The following PLCE1 variants were observed in gnomAD, a reference collection of about 807,000 sequenced individuals.
The protein encoded by PLCE1 is phospholipase C epsilon 1.
In PLCE1, 119 loss-of-function variants were observed where a neutral mutation model predicts 242.8. The observed-to-expected ratio is 0.49, with a 90% CI of 0.42 to 0.57. The LOEUF is 0.57. Ranked by LOEUF, PLCE1 falls within the 20% of genes least tolerant of loss-of-function variation. The pLI, the probability that PLCE1 is intolerant of heterozygous loss-of-function variation, is 0.00. For missense variants in PLCE1, 2,441 were observed against 2,788.8 expected, an observed-to-expected ratio of 0.88 and a Z score of 2.81; for synonymous variants, 945 against 1,017.4, an observed-to-expected ratio of 0.93 and a Z score of 1.35.
chr10:94,083,712 G>T (rs867730137), intron 2 of PLCE1, among the ~76,000 whole-genome samples: 1 of 152,234 alleles, frequency 6.6e-6, no homozygotes, highest in Admixed American at 6.5e-5. Context: ...CACAATTAAA[G>T]AATTATCCTA....
intron 2 of PLCE1, among the ~76,000 whole-genome samples, chr10:94,085,240 G>T (rs536533316): frequency 6.6e-6 from 1 of 152,120 alleles, no homozygotes; most frequent in Non-Finnish European, 1.5e-5. Flanking sequence ...TGGCTTTGGG[G>T]GTCCTAGTGG....
chr10:94,053,298 C>T (rs1320384758), intron 2 of PLCE1, among the ~76,000 whole-genome samples: 6 of 152,186 alleles, frequency 3.9e-5, no homozygotes, highest in Non-Finnish European at 7.3e-5. Flanking sequence ...AGCAACATGG[C>T]ACATAGAAAT....
intron 30 of PLCE1, among the ~76,000 whole-genome samples, chr10:94,322,717 A>T (rs1392863377): frequency 6.6e-6 from 1 of 152,014 alleles, no homozygotes. Flanking sequence ...CCCGGGAGGC[A>T]GAGGTTGCAG....
At chr10:93,999,011 G>A (rs573519752) in intron 1 of PLCE1, among the ~76,000 whole-genome samples, 2 of 152,220 alleles carry the variant, frequency 1.3e-5, no homozygotes, top group South Asian at 2.1e-4. Flanking sequence ...CAGAAGGAAT[G>A]TAGCCCTACT....
chr10:94,031,315 G>T lies in PLCE1; in HGVS notation c.269G>T (p.Cys90Phe), dbSNP rs750829654. 35 of 1,613,758 alleles carry T rather than the reference G, an allele frequency of 2.2e-5. No homozygotes were observed. In the South Asian group the frequency reaches 3.7e-4, roughly 17 times the overall value. The change falls in exon 2 of 33, where the codon TGT (cysteine) becomes TTT (phenylalanine). Residue 90 changes from cysteine to phenylalanine, a missense_variant. Around this residue, in one of 5 missense-constraint regions of PLCE1, gnomAD observed 393 missense variants for 378.5 expected, o/e 1.04. Coordinates refer to ENST00000371380, the MANE Select transcript of PLCE1 (RefSeq NM_016341.4). ...AGTGATGAGAACAGTAATGAAAAATGTTGGGAGAAAATCATGCCAGATTCT... is the reference window on the plus strand; with the variant it reads ...AGTGATGAGAACAGTAATGAAAAATTTTGGGAGAAAATCATGCCAGATTCT... ...IVSDENSNEK[C>F]WEKIMPDSAK... is the part of the protein sequence containing the mutation.
intron 27 of PLCE1, among the ~76,000 whole-genome samples, chr10:94,312,531 A>G (rs2053419389): frequency 6.6e-6 from 1 of 152,168 alleles, no homozygotes; most frequent in African/African-American, 2.4e-5. Context: ...GTCCTTCAAG[A>G]TTTGGTTCAG....
At chr10:94,021,346 G>T (rs1311726418) in intron 1 of PLCE1, among the ~76,000 whole-genome samples, 1 of 150,976 alleles carries the variant, frequency 6.6e-6, no homozygotes, top group South Asian at 2.1e-4. Context: ...GTATCCCAAG[G>T]TCTTGAATAT....
intron 5 of PLCE1, 39 bp downstream of exon 5, chr10:94,227,490 G>A (rs372895739): frequency 1.5e-5 from 24 of 1,583,440 alleles, no homozygotes; most frequent in African/African-American, 9.4e-5. Context: ...TGGCACAATC[G>A]CTTCTCATCA....
intron 2 of PLCE1, among the ~76,000 whole-genome samples, chr10:94,046,098 A>C (rs2061877938): frequency 6.6e-6 from 1 of 152,226 alleles, no homozygotes; most frequent in Non-Finnish European, 1.5e-5. Flanking sequence ...ATCTTGTTGC[A>C]ATAACATTGT....
intron 4 of PLCE1, among the ~76,000 whole-genome samples, chr10:94,187,419 G>A (rs1052979899): frequency 1.3e-5 from 2 of 152,106 alleles, no homozygotes; most frequent in Admixed American, 1.3e-4. Flanking sequence ...TGATAAGTAA[G>A]TTGTTTGTTT....
At chr10:94,267,052 C>T (rs763379817) in intron 16 of PLCE1, among the ~76,000 whole-genome samples, 7 of 152,094 alleles carry the variant, frequency 4.6e-5, no homozygotes, top group Admixed American at 1.3e-4. Flanking sequence ...GCCCTCCCTT[C>T]GCACACAGAA....
At chr10:94,041,107 G>A (rs1308709144) in intron 2 of PLCE1, among the ~76,000 whole-genome samples, 1 of 151,842 alleles carries the variant, frequency 6.6e-6, no homozygotes, top group Non-Finnish European at 1.5e-5. Context: ...CAGCTTTCAG[G>A]CCTGAGCTTA....
intron 2 of PLCE1, among the ~76,000 whole-genome samples, chr10:94,033,502 A>G (rs193209243): frequency 1.3e-5 from 2 of 152,218 alleles, no homozygotes; most frequent in Admixed American, 1.3e-4. Context: ...TATTACTACT[A>G]CTGAAGTTTG....
intron 4 of PLCE1, among the ~76,000 whole-genome samples, chr10:94,192,140 C>G (rs1425771959): frequency 6.6e-6 from 1 of 152,164 alleles, no homozygotes; most frequent in African/African-American, 2.4e-5. Context: ...ACCTCAAATG[C>G]TTATCACTTT....
chr10:94,293,293 T>C (rs2052701232), intron 22 of PLCE1, among the ~76,000 whole-genome samples: 1 of 152,232 alleles, frequency 6.6e-6, no homozygotes, highest in Admixed American at 6.5e-5. Context: ...GTGATAAGCA[T>C]GCAGTTCTTG....
intron 4 of PLCE1, among the ~76,000 whole-genome samples, chr10:94,219,953 C>G (rs1279278643): frequency 6.6e-6 from 1 of 151,922 alleles, no homozygotes; most frequent in Non-Finnish European, 1.5e-5. Context: ...TGCCTTTTCC[C>G]CTCTGTGTCT....
intron 1 of PLCE1, among the ~76,000 whole-genome samples, chr10:94,028,243 G>T (rs1311940303): frequency 1.3e-5 from 2 of 152,196 alleles, no homozygotes; most frequent in African/African-American, 4.8e-5. Context: ...CTGAGGGTCT[G>T]TCATGTGGTT....
chr10:94,080,725 C>T (rs977715099), intron 2 of PLCE1, among the ~76,000 whole-genome samples: 4 of 152,176 alleles, frequency 2.6e-5, no homozygotes, highest in African/African-American at 9.7e-5. Flanking sequence ...TATCCAGGCA[C>T]TTCTGTATTC....
At chr10:94,011,616 C>T (rs1427040290) in intron 1 of PLCE1, among the ~76,000 whole-genome samples, 1 of 152,128 alleles carries the variant, frequency 6.6e-6, no homozygotes, top group Non-Finnish European at 1.5e-5. Context: ...AGGTTCTGAC[C>T]AAAGCTGGAG....
Sources: allele counts gnomAD v4.1 joint callset (sites outside exome capture counted in the v4.1 genomes callset), GRCh38; gene constraint gnomAD v4.1.1; regional missense constraint gnomAD v4.1.1; transcripts MANE v1.5; gene names NCBI Gene and HGNC (gene_info 2026-07-23, HGNC 2026-07-21).